PRDM16: variants seen among roughly 807,000 people sequenced by gnomAD.
The protein encoded by PRDM16 is PR/SET domain 16.
PRDM16 carries 23 observed loss-of-function variants against 110.6 expected under a neutral mutation model. That is an observed-to-expected ratio of 0.21 (90% CI 0.15 to 0.29). PRDM16 has a LOEUF of 0.29. PRDM16 is among the 10% of genes least tolerant of loss of function. PRDM16 has a pLI of 1.00. For synonymous variants in PRDM16, 799 were observed against 781.8 expected (o/e 1.02, Z -0.37); for missense variants, 1,615 against 1,794.3 (o/e 0.90, Z 1.81).
At chr1:3,416,790 T>C (rs1638276314) in intron 10 of PRDM16, among the ~76,000 whole-genome samples, 1 of 152,214 alleles carries the variant, frequency 6.6e-6, no homozygotes, top group Admixed American at 6.5e-5. Flanking sequence ...GGGTGTGTGG[T>C]GCCGAGGCCC....
In PRDM16 at chr1:3,181,112, GGCCTTACACACGCA is replaced by G. The variant is rs1388972009; in HGVS notation, c.38-5011_38-4998del. Among the ~76,000 whole-genome samples, 189 of 105,514 alleles carry G rather than the reference GGCCTTACACACGCA, an allele frequency of 1.8e-3. 5 individuals are homozygous for G. The highest frequency in any genetic ancestry group is 2.8e-3 in the East Asian group (10 of 3,542). The allele number at this position is 105,514 out of a possible 152,430, so 69.2% of individuals were successfully genotyped here. ...GCCTTACACACGCAGTCTTACACGC[GGCCTTACACACGCA>G]GTCTTACACGCGGTCTTACACACGC... On this transcript the variant is annotated intron_variant, in intron 1 of 16. Coordinates refer to ENST00000270722, the MANE Select transcript of PRDM16 (RefSeq NM_022114.4).
intron 1 of PRDM16, among the ~76,000 whole-genome samples, chr1:3,142,930 C>T (rs1260413447): frequency 6.6e-6 from 1 of 152,218 alleles, no homozygotes; most frequent in Non-Finnish European, 1.5e-5. Context: ...CATCAACTGC[C>T]CCCTGGCCGG....
chr1:3,252,752 T>A (rs1260578775), intron 3 of PRDM16, among the ~76,000 whole-genome samples: 3 of 152,116 alleles, frequency 2.0e-5, no homozygotes, highest in Admixed American at 1.3e-4. Context: ...ATCCCACAGC[T>A]GCGTGGACCG....
At chr1:3,310,451 C>T (rs1023114441) in intron 3 of PRDM16, among the ~76,000 whole-genome samples, 1 of 152,360 alleles carries the variant, frequency 6.6e-6, no homozygotes, top group South Asian at 2.1e-4. Context: ...CTCCTCTGAG[C>T]TCTGGCCCTG....
chr1:3,096,449 C>T (rs1007426720), intron 1 of PRDM16, among the ~76,000 whole-genome samples: 2 of 152,150 alleles, frequency 1.3e-5, no homozygotes, highest in Non-Finnish European at 2.9e-5. Flanking sequence ...GGAGGGGAGG[C>T]GACTGGGCCT....
At chr1:3,124,360 T>C (rs966083185) in intron 1 of PRDM16, among the ~76,000 whole-genome samples, 6 of 152,248 alleles carry the variant, frequency 3.9e-5, no homozygotes, top group Non-Finnish European at 7.3e-5. Flanking sequence ...GAACTCTGAC[T>C]GGTTTCCCTG....
chr1:3,390,615 C>T lies in PRDM16; in HGVS notation c.573+5329C>T, dbSNP rs1224540802. Reference sequence around the variant, plus strand: ...GCAGCACCGCGTGGACAAGAGCCCGCGCGGGTTGTTCATGAGAACCAGGTG... The same window carrying T: ...GCAGCACCGCGTGGACAAGAGCCCGTGCGGGTTGTTCATGAGAACCAGGTG... On this transcript the variant is annotated intron_variant, in intron 4 of 16. Transcript: ENST00000270722. The surrounding 1 kb of genome is among the most constrained non-coding windows in gnomAD (Gnocchi z 5.0). 2.6e-5 allele frequency among the ~76,000 whole-genome samples: 4 copies of T among 152,100 alleles called. No homozygotes were observed. Among genetic ancestry groups the T allele is most frequent in the Non-Finnish European group, 5.9e-5 (4 of 68,016 alleles).
At position 3,299,380 on chromosome 1, in the gene PRDM16, T is replaced by C. The variant is rs192432708; in HGVS notation, c.438+55243T>C. Among the ~76,000 whole-genome samples the C allele has an allele frequency of 1.5e-3, 132 of 91,008 alleles. 6 individuals carry two copies. The highest frequency in any genetic ancestry group is 4.0e-3 in the African/African-American group (123 of 30,786). The allele number at this position is 91,008 out of a possible 152,430, so 59.7% of individuals were successfully genotyped here. A position where few individuals can be genotyped will look rare whatever the true frequency, so the allele number is the denominator to read the frequency against. On this transcript the variant is annotated intron_variant, in intron 3 of 16. Coordinates refer to ENST00000270722, the MANE Select transcript of PRDM16 (RefSeq NM_022114.4). ...GTGGCTGTGATGTTTCAGATCCCAG[T>C]TGTGGTGACTCTGCCCTTGTTGAAG...
At chr1:3,410,955 T>A (rs1643674792) in intron 8 of PRDM16, among the ~76,000 whole-genome samples, 1 of 152,152 alleles carries the variant, frequency 6.6e-6, no homozygotes, top group Admixed American at 6.5e-5. Context: ...AAGCCCATTC[T>A]CCAGCAAAGA....
chr1:3,145,695 G>A (rs749861811), intron 1 of PRDM16, among the ~76,000 whole-genome samples: 6 of 152,142 alleles, frequency 3.9e-5, no homozygotes, highest in Non-Finnish European at 7.4e-5. Flanking sequence ...ACCCGCTCCC[G>A]GTCTCTCACT....
chr1:3,200,759 G>A (rs959671938), intron 2 of PRDM16, among the ~76,000 whole-genome samples: 5 of 152,176 alleles, frequency 3.3e-5, no homozygotes, highest in African/African-American at 4.8e-5. Flanking sequence ...CCTACCTTCC[G>A]CCAAGTGGAC....
At chr1:3,101,118 G>A (rs1307017172) in intron 1 of PRDM16, among the ~76,000 whole-genome samples, 3 of 152,142 alleles carry the variant, frequency 2.0e-5, no homozygotes, top group Admixed American at 2.0e-4. Context: ...GCCGTGGGAA[G>A]CCTCCTCGCT....
chr1:3,335,145 G>A (rs941306278), intron 3 of PRDM16, among the ~76,000 whole-genome samples: 7 of 152,252 alleles, frequency 4.6e-5, no homozygotes, highest in Non-Finnish European at 1.0e-4. Context: ...CTGCCTGGAA[G>A]GAGCCCAGCG....
rs979908661 is a variant in PRDM16 at position 3,353,387 on chromosome 1, A to G, written c.439-31765A>G. Among the ~76,000 whole-genome samples the G allele has an allele frequency of 5.9e-5, 9 of 152,118 alleles. No individual in the cohort carries two copies. Among genetic ancestry groups the G allele is most frequent in the African/African-American group, 2.2e-4 (9 of 41,422 alleles). On this transcript the variant is annotated intron_variant, in intron 3 of 16. Transcript: ENST00000270722. The surrounding 1 kb of genome is among the most constrained non-coding windows in gnomAD (Gnocchi z 5.4). ...AGGGAGGCCCGGGGTATTTCTTGCC[A>G]CATCTGAAATTGGACCCGAATGCGC...
intron 3 of PRDM16, among the ~76,000 whole-genome samples, chr1:3,377,951 G>T (rs1643023799): frequency 6.6e-6 from 1 of 152,212 alleles, no homozygotes; most frequent in Non-Finnish European, 1.5e-5. Flanking sequence ...CCTGCCCCGA[G>T]AGACTCCCAG....
chr1:3,404,776 G>A lies in PRDM16; in HGVS notation c.922G>A (p.Glu308Lys), dbSNP rs1643531752. ...QHMVIHTEER[E>K]YKCDQCPKAF... ...CATGGTCATCCACACGGAGGAGCGC[G>A]AGTACAAATGCGACCAGTGTCCCAA... Residue 308 changes from glutamate (E) to lysine (K), a missense_variant, in exon 7 of 17, where the codon GAG becomes AAG. Physicochemically the swap from Glu to Lys is moderately conservative, Grantham distance 56. Around this residue, in one of 5 missense-constraint regions of PRDM16, gnomAD observed 416 missense variants for 467.1 expected, o/e 0.89. Coordinates refer to ENST00000270722, the MANE Select transcript of PRDM16 (RefSeq NM_022114.4). The A allele has an allele frequency of 1.2e-6, 2 of 1,613,630 alleles. No individual in the cohort carries two copies. The highest frequency in any genetic ancestry group is 1.7e-6 in the Non-Finnish European group (2 of 1,179,978).
chr1:3,402,751 C>A (rs758971810), intron 5 of PRDM16, 40 bp from the exon 6 acceptor site: 2 of 1,573,150 alleles, frequency 1.3e-6, no homozygotes, highest in East Asian at 2.3e-5. Context: ...TGGGCTGGGT[C>A]TCCAGCTCAC....
chr1:3,289,723 G>A (rs1304243492), intron 3 of PRDM16, among the ~76,000 whole-genome samples: 4 of 152,202 alleles, frequency 2.6e-5, no homozygotes, highest in African/African-American at 2.4e-5. Flanking sequence ...AGGACAGCAC[G>A]GATGTGTCCA....
At chr1:3,172,738 G>A (rs1257734212) in intron 1 of PRDM16, among the ~76,000 whole-genome samples, 1 of 152,228 alleles carries the variant, frequency 6.6e-6, no homozygotes, top group Non-Finnish European at 1.5e-5. Flanking sequence ...GGTCCCTAGA[G>A]TTATCACATG....
Sources: gnomAD v4.1 joint callset for allele counts (sites outside exome capture counted in the v4.1 genomes callset) on GRCh38, gnomAD v4.1.1 for gene constraint, gnomAD v4.1.1 regional missense constraint, Gnocchi (gnomAD v3.1) non-coding constraint, MANE v1.5 for transcripts, NCBI Gene and HGNC (gene_info 2026-07-23, HGNC 2026-07-21) for gene names.